SMG5: variants seen among roughly 807,000 people sequenced by gnomAD.
SMG5 encodes nonsense-mediated mRNA decay factor SMG5.
Under a neutral mutation model 122.9 loss-of-function variants are expected in SMG5, and 53 were observed. That is an observed-to-expected ratio of 0.43 (90% CI 0.35 to 0.54). The LOEUF is 0.54. SMG5 is among the 20% of genes least tolerant of loss of function. The pLI, the probability that SMG5 is intolerant of heterozygous loss-of-function variation, is 0.01. For missense variants in SMG5, 1,153 were observed against 1,285.6 expected, an observed-to-expected ratio of 0.90 and a Z score of 1.58; for synonymous variants, 477 against 490.2, an observed-to-expected ratio of 0.97 and a Z score of 0.35.
intron 19 of SMG5, 128 bp from the exon 20 acceptor site, chr1:156,251,605 A>T (rs1184286701): frequency 1.1e-6 from 1 of 869,810 alleles, no homozygotes; most frequent in Non-Finnish European, 1.9e-6. Context: ...CTCTCCCACC[A>T]CAGCTCTGGA....
In SMG5 at chr1:156,266,253, A is replaced by ACGG. The variant is rs772845704; in HGVS notation, c.1380_1382dup (p.Arg463dup). Reference sequence around the variant, plus strand: ...CACCAACTTTGGGTGGGTGGCGGCGACGGCGGAGACAGGAGAGGCGAGAGA... The same window carrying ACGG: ...CACCAACTTTGGGTGGGTGGCGGCGACGGCGGCGGAGACAGGAGAGGCGAGAGA... On this transcript the variant is annotated inframe_insertion, in exon 12 of 22. Coordinates refer to ENST00000361813, the MANE Select transcript of SMG5 (RefSeq NM_015327.3). The ACGG allele has an allele frequency of 1.9e-6, 3 of 1,614,082 alleles. No homozygotes were observed. Among genetic ancestry groups the ACGG allele is most frequent in the Admixed American group, 3.3e-5 (2 of 60,002 alleles).
upstream of SMG5, among the ~76,000 whole-genome samples, chr1:156,287,579 C>T (rs1355615346): frequency 6.7e-6 from 1 of 149,612 alleles, no homozygotes; most frequent in Non-Finnish European, 1.5e-5. Context: ...GATGTGTGAG[C>T]TCTCCTCGCA....
chr1:156,265,767 A>C lies in SMG5; in HGVS notation c.1855+14T>G, dbSNP rs750781499. ...GGTGCGGACCAGAACAGGATGATGA[A>C]GTGGTCCAAATACCTGGCTCTGAAG... On this transcript the variant is annotated intron_variant, in intron 12 of 21. Coordinates refer to ENST00000361813, the MANE Select transcript of SMG5 (RefSeq NM_015327.3). The C allele has an allele frequency of 4.3e-6, 7 of 1,609,238 alleles. No homozygotes were observed. In the Admixed American group the frequency reaches 1.2e-4, roughly 27 times the overall value.
chr1:156,278,821 A>C, intron 2 of SMG5, 115 bp downstream of exon 2: 1 of 805,654 alleles, frequency 1.2e-6, no homozygotes, highest in Non-Finnish European at 2.1e-6. Context: ...GAGACCATTA[A>C]GGTACCATGA....
intron 17 of SMG5, 67 bp from the exon 18 acceptor site, chr1:156,253,145 G>C (rs1572571722): frequency 1.4e-6 from 2 of 1,480,982 alleles, no homozygotes; most frequent in African/African-American, 1.4e-5. Context: ...GGGAAGAGTG[G>C]TGCTCAAGGT....
At position 156,277,961 on chromosome 1, in the gene SMG5, G is replaced by A. The variant is rs1662756417; in HGVS notation, c.261C>T (p.Tyr87=). 2 of 1,614,104 alleles carry A rather than the reference G, an allele frequency of 1.2e-6. No individual in the cohort carries two copies. Among genetic ancestry groups the A allele is most frequent in the Non-Finnish European group, 1.7e-6 (2 of 1,179,986 alleles). ...KAEELLWRKV[Y]YEVIQLIKTN... is the part of the protein sequence containing the mutation. ...TCTTGATAAGCTGGATAACTTCATA[G>A]TATACCTTTCTCCACAGCAGCTCCT... is the stretch of plus-strand genomic sequence containing the variant. The change falls in exon 3 of 22, where the codon TAC becomes TAT. Residue 87 remains tyrosine, a synonymous_variant. Coordinates refer to ENST00000361813, the MANE Select transcript of SMG5 (RefSeq NM_015327.3).
At chr1:156,259,777 G>A (rs1661739006) in intron 15 of SMG5, among the ~76,000 whole-genome samples, 1 of 152,142 alleles carries the variant, frequency 6.6e-6, no homozygotes. Context: ...CGATCCACCT[G>A]CCTTGGCCCC....
intron 1 of SMG5, 87 bp from the exon 2 acceptor site, chr1:156,279,121 T>C: frequency 6.9e-6 from 8 of 1,166,530 alleles, no homozygotes; most frequent in Non-Finnish European, 9.0e-6. Context: ...GAGGAAAAGC[T>C]ACAGAATTAG....
intron 14 of SMG5, 112 bp from the exon 15 acceptor site, chr1:156,260,738 A>G (rs1386329606): frequency 1.0e-6 from 1 of 998,438 alleles, no homozygotes; most frequent in African/African-American, 1.7e-5. Flanking sequence ...GAGGCAGGAC[A>G]TACCCTAGGA....
intron 2 of SMG5, 47 bp downstream of exon 2, chr1:156,278,889 T>C (rs1329208349): frequency 2.7e-6 from 4 of 1,492,604 alleles, no homozygotes; most frequent in Admixed American, 1.7e-5. Context: ...CTGGTAGAGA[T>C]AGGCAGGGAA....
intron 1 of SMG5, among the ~76,000 whole-genome samples, chr1:156,281,606 A>G (rs1662945401): frequency 6.6e-6 from 1 of 151,982 alleles, no homozygotes; most frequent in African/African-American, 2.4e-5. Context: ...CATGCTCTTG[A>G]CTCTTTCACC....
chr1:156,250,194 C>G lies in SMG5; in HGVS notation c.*393G>C. ...AGAGGGTCCAAACTCCTGGCCCCAA[C>G]CACCCTGCATCTTGGGTGAGGAAGA... On this transcript the variant is annotated 3_prime_UTR_variant, in exon 22 of 22. Coordinates refer to ENST00000361813, the MANE Select transcript of SMG5 (RefSeq NM_015327.3). 2.9e-6 allele frequency: 1 copy of G among 350,636 alleles called. No homozygotes were observed. Among genetic ancestry groups the G allele is most frequent in the Non-Finnish European group, 5.6e-6 (1 of 178,172 alleles). The allele number at this position is 350,636 out of a possible 1,614,324, so 21.7% of individuals were successfully genotyped here. A position where few individuals can be genotyped will look rare whatever the true frequency, so the allele number is the denominator to read the frequency against.
In SMG5 at chr1:156,250,646, C is replaced by T. The variant is rs146548733; in HGVS notation, c.2992G>A (p.Ala998Thr). The part of the protein sequence containing the change: ...MQAALQAAAH[A>T]SVDIKNVLDF... Reference sequence around the variant, plus strand: ...AGAACATTCTTGATGTCCACACTGGCGTGGGCAGCGGCCTGCAGGGCTGCC... The same window carrying T: ...AGAACATTCTTGATGTCCACACTGGTGTGGGCAGCGGCCTGCAGGGCTGCC... Residue 998 changes from alanine to threonine, a missense_variant, in exon 22 of 22, where the codon GCC (alanine) becomes ACC (threonine). Physicochemically the swap from Ala to Thr is moderately conservative, Grantham distance 58 (BLOSUM62 0). This residue lies in a region of SMG5 where 84 missense variants were observed against 82.3 expected (regional missense o/e 1.02). Transcript: ENST00000361813. 25 of 1,613,960 alleles carry T rather than the reference C, an allele frequency of 1.5e-5. No individual in the cohort carries two copies. Among genetic ancestry groups the T allele is most frequent in the African/African-American group, 4.0e-5 (3 of 74,878 alleles).
At chr1:156,250,818 C>T in intron 21 of SMG5, 40 bp downstream of exon 21, 1 of 1,611,318 alleles carries the variant, frequency 6.2e-7, no homozygotes, top group Non-Finnish European at 8.5e-7. Flanking sequence ...GGTACCTCGT[C>T]CCTATTCCAC....
At chr1:156,258,936 C>T (rs961735201) in intron 16 of SMG5, 69 bp downstream of exon 16, 1 of 1,586,496 alleles carries the variant, frequency 6.3e-7, no homozygotes, top group African/African-American at 1.3e-5. Flanking sequence ...AGGGTCTGAG[C>T]CTCTTGCCCT....
chr1:156,272,787 A>C (rs559428138), intron 6 of SMG5, among the ~76,000 whole-genome samples: 26 of 152,106 alleles, frequency 1.7e-4, no homozygotes, highest in Non-Finnish European at 3.4e-4. Context: ...CGTGGTCTCA[A>C]TCTCCTGACG....
intron 7 of SMG5, among the ~76,000 whole-genome samples, chr1:156,270,902 G>A (rs1662381733): frequency 6.6e-6 from 1 of 151,970 alleles, no homozygotes; most frequent in Non-Finnish European, 1.5e-5. Context: ...AGCTACTCGA[G>A]AGGCTGGGGC....
chr1:156,268,458 G>A lies in SMG5; in HGVS notation c.714-43C>T, dbSNP rs199873536. ...GAGCTACTGAGTCTTGGCAGGGGGA[G>A]GATATGTTACTCTGCTGGGGCTTTA... On this transcript the variant is annotated intron_variant, in intron 7 of 21. Coordinates refer to ENST00000361813, the MANE Select transcript of SMG5 (RefSeq NM_015327.3). 67 of 1,605,760 alleles carry A rather than the reference G, an allele frequency of 4.2e-5. No homozygotes were observed. In the Middle Eastern group the frequency reaches 1.1e-3, roughly 25 times the overall value.
chr1:156,264,974 C>T (rs1662049564), intron 12 of SMG5, among the ~76,000 whole-genome samples: 1 of 150,518 alleles, frequency 6.6e-6, no homozygotes, highest in Admixed American at 6.6e-5. Flanking sequence ...TGCAGTGAGC[C>T]GAGATCGTGC....
Sources: allele counts gnomAD v4.1 joint callset (sites outside exome capture counted in the v4.1 genomes callset), GRCh38; gene constraint gnomAD v4.1.1; regional missense constraint gnomAD v4.1.1; transcripts MANE v1.5; gene names NCBI Gene and HGNC (gene_info 2026-07-23, HGNC 2026-07-21).